Variants in PCDHGA3 observed in about 807,000 individuals in gnomAD.
The protein encoded by PCDHGA3 is protocadherin gamma-A3.
PCDHGA3 carries 40 observed loss-of-function variants against 58.5 expected under a neutral mutation model. The observed-to-expected ratio is 0.68, with a 90% CI of 0.53 to 0.89. PCDHGA3 has a LOEUF of 0.89. Among genes scored for constraint, PCDHGA3 ranks in the 40% least tolerant of loss-of-function variants. PCDHGA3 has a pLI of 0.00. For synonymous variants in PCDHGA3, 530 were observed against 525.7 expected (o/e 1.01, Z -0.11); for missense variants, 1,223 against 1,195.9 (o/e 1.02, Z -0.33).
At position 141,489,180 on chromosome 5, in the gene PCDHGA3, C is replaced by G. The variant is rs942218118; in HGVS notation, c.2425-5627C>G. On this transcript the variant is annotated intron_variant, in intron 1 of 3. Transcript: ENST00000253812. This position sits in a 1 kb window ranked among gnomAD's most constrained non-coding sequence, Gnocchi z 4.5. ...GACTTCAGCTGCTGCATTCCAAGCC[C>G]TGGGTCTACCTTGGAGACAGGACAG... The G allele has an allele frequency of 1.8e-5, 23 of 1,259,630 alleles. No homozygotes were observed. In the South Asian group the frequency reaches 3.0e-4, roughly 17 times the overall value. The allele number at this position is 1,259,630 out of a possible 1,614,324, so 78.0% of individuals were successfully genotyped here.
intron 1 of PCDHGA3, chr5:141,418,522 C>A: frequency 6.2e-7 from 1 of 1,614,000 alleles, no homozygotes; most frequent in Non-Finnish European, 8.5e-7. Flanking sequence ...GGGACCCTCC[C>A]CGAAGCGGTA....
chr5:141,419,591 G>A lies in PCDHGA3; in HGVS notation c.2424+73134G>A, dbSNP rs574335266. The A allele has an allele frequency of 2.2e-5, 35 of 1,611,826 alleles. No individual in the cohort carries two copies. The African/African-American group carries it at 4.0e-4, about 18-fold the overall frequency. On this transcript the variant is annotated intron_variant, in intron 1 of 3. Coordinates refer to ENST00000253812, the MANE Select transcript of PCDHGA3 (RefSeq NM_018916.4). ...CGACGGCTCCGCGCTCTTCGACACA[G>A]TGCCGCGGGCCGCGCAGCCAGGCTA...
At position 141,477,068 on chromosome 5, in the gene PCDHGA3, C is replaced by A; in HGVS notation, c.2425-17739C>A. 6.2e-7 allele frequency: 1 copy of A among 1,614,268 alleles called. No homozygotes were observed. The highest frequency in any genetic ancestry group is 8.5e-7 in the Non-Finnish European group (1 of 1,180,046). On this transcript the variant is annotated intron_variant, in intron 1 of 3. Transcript: ENST00000253812. This position sits in a 1 kb window ranked among gnomAD's most constrained non-coding sequence, Gnocchi z 4.9. ...GCTGGACTTCGAGGACACCAAACTCCATGAGATTTACATCCAGGCCAAAGA... is the reference window on the plus strand; with the variant it reads ...GCTGGACTTCGAGGACACCAAACTCAATGAGATTTACATCCAGGCCAAAGA...
At chr5:141,357,546 G>A in intron 1 of PCDHGA3, 2 of 1,614,182 alleles carry the variant, frequency 1.2e-6, no homozygotes, top group Non-Finnish European at 1.7e-6. Context: ...TCATCAGCCG[G>A]GAGAGTTGTG....
chr5:141,383,093 G>C, intron 1 of PCDHGA3: 1 of 1,613,930 alleles, frequency 6.2e-7, no homozygotes. Context: ...CGCGGAGTCC[G>C]CATCATCTCC....
intron 2 of PCDHGA3, among the ~76,000 whole-genome samples, chr5:141,498,068 A>G (rs765582921): frequency 6.6e-6 from 1 of 152,244 alleles, no homozygotes; most frequent in Non-Finnish European, 1.5e-5. Context: ...TGAAACTGTC[A>G]TAAGTGCTAG....
chr5:141,507,495 G>T (rs375483743), intron 3 of PCDHGA3, among the ~76,000 whole-genome samples: 2 of 152,234 alleles, frequency 1.3e-5, no homozygotes, highest in Non-Finnish European at 2.9e-5. Context: ...AGGCAGAGCT[G>T]TCCCAGGTCT....
intron 1 of PCDHGA3, chr5:141,361,586 G>A: frequency 3.7e-6 from 6 of 1,614,058 alleles, no homozygotes; most frequent in Non-Finnish European, 5.1e-6. Flanking sequence ...TTGGGCCCCA[G>A]TGGCCAAGTT....
chr5:141,361,399 A>G, intron 1 of PCDHGA3: 1 of 1,613,982 alleles, frequency 6.2e-7, no homozygotes, highest in Non-Finnish European at 8.5e-7. Context: ...CAATCTCACC[A>G]TCACAGCCAC....
At chr5:141,356,327 C>A in intron 1 of PCDHGA3, 1 of 1,554,310 alleles carries the variant, frequency 6.4e-7, no homozygotes, top group Non-Finnish European at 8.7e-7. Context: ...GACAGTGACT[C>A]AGGAGGAAAT....
At chr5:141,382,943 T>G in intron 1 of PCDHGA3, 2 of 1,596,184 alleles carry the variant, frequency 1.3e-6, no homozygotes, top group African/African-American at 1.3e-5. Flanking sequence ...GGATTCTTCC[T>G]GCTCTCCATC....
chr5:141,437,945 C>A (rs1204633193), intron 1 of PCDHGA3, among the ~76,000 whole-genome samples: 1 of 152,112 alleles, frequency 6.6e-6, no homozygotes, highest in Non-Finnish European at 1.5e-5. Flanking sequence ...ACCATATTGG[C>A]CAGAATGGTC....
intron 1 of PCDHGA3, among the ~76,000 whole-genome samples, chr5:141,386,853 G>C (rs932816835): frequency 2.0e-5 from 3 of 152,230 alleles, no homozygotes; most frequent in African/African-American, 4.8e-5. Context: ...ACTAAACTCA[G>C]TGAGCTATTG....
chr5:141,374,406 T>C (rs748431130), intron 1 of PCDHGA3: 8 of 1,614,018 alleles, frequency 5.0e-6, no homozygotes, highest in Non-Finnish European at 6.8e-6. Context: ...AGTTTTAACA[T>C]CCTTGTCGAG....
rs745989563 is a variant in PCDHGA3, at chr5:141,490,728, T to G, written c.2425-4079T>G. The G allele has an allele frequency of 6.2e-7, 1 of 1,614,148 alleles. No individual in the cohort carries two copies. Among genetic ancestry groups the G allele is most frequent in the East Asian group, 2.2e-5 (1 of 44,882 alleles). ...GCCTCACCTACTCCATTGTAGGAAA[T>G]CAGGTTCAGGGAGCCCCAGCCTCCT... On this transcript the variant is annotated intron_variant, in intron 1 of 3. Transcript: ENST00000253812. The surrounding 1 kb of genome is among the most constrained non-coding windows in gnomAD (Gnocchi z 5.4).
intron 1 of PCDHGA3, among the ~76,000 whole-genome samples, chr5:141,464,139 C>T (rs1200161549): frequency 6.6e-6 from 1 of 151,928 alleles, no homozygotes; most frequent in Admixed American, 6.6e-5. Flanking sequence ...GTGGTGGGCG[C>T]CTGTAGTCCC....
At chr5:141,380,092 G>A (rs1776209529) in intron 1 of PCDHGA3, among the ~76,000 whole-genome samples, 1 of 151,708 alleles carries the variant, frequency 6.6e-6, no homozygotes, top group African/African-American at 2.4e-5. Context: ...TAGAGATGGG[G>A]TTTTACCATG....
At chr5:141,356,178 T>C (rs1378242002) in intron 1 of PCDHGA3, 2 of 1,612,174 alleles carry the variant, frequency 1.2e-6, no homozygotes, top group Non-Finnish European at 8.5e-7. Flanking sequence ...ATGGGCCTGG[T>C]CTCCGAGCTA....
intron 1 of PCDHGA3, chr5:141,420,315 A>G (rs755723069): frequency 6.2e-6 from 9 of 1,440,144 alleles, no homozygotes; most frequent in Non-Finnish European, 8.4e-6. Context: ...TTATATTACA[A>G]TATGCCAATA....
Sources: allele counts gnomAD v4.1 joint callset (sites outside exome capture counted in the v4.1 genomes callset), GRCh38; gene constraint gnomAD v4.1.1; non-coding constraint Gnocchi (gnomAD v3.1); transcripts MANE v1.5; gene names NCBI Gene and HGNC (gene_info 2026-07-23, HGNC 2026-07-21).